FAM151B: variants seen among roughly 807,000 people sequenced by gnomAD.
FAM151B encodes family with sequence similarity 151 member B.
In FAM151B, 24 loss-of-function variants were observed where a neutral mutation model predicts 31.2. The observed-to-expected ratio is 0.77, with a 90% CI of 0.56 to 1.08. The LOEUF is 1.08. Among genes scored for constraint, FAM151B ranks in the 50% least tolerant of loss-of-function variants. The pLI, the probability that FAM151B is intolerant of heterozygous loss-of-function variation, is 0.00. For missense variants in FAM151B, 293 were observed against 328.6 expected, an observed-to-expected ratio of 0.89 and a Z score of 0.84; for synonymous variants, 105 against 111.4, an observed-to-expected ratio of 0.94 and a Z score of 0.36.
intron 2 of FAM151B, among the ~76,000 whole-genome samples, chr5:80,504,514 C>CTTTTTT (rs11340979): frequency 3.7e-4 from 22 of 58,736 alleles, no homozygotes; most frequent in East Asian, 6.0e-4. Context: ...GACTATTACT[C>CTTTTTT]TTTTTTTTTT....
At chr5:80,490,311 G>A (rs1166843596) in intron 1 of FAM151B, among the ~76,000 whole-genome samples, 1 of 152,150 alleles carries the variant, frequency 6.6e-6, no homozygotes, top group Non-Finnish European at 1.5e-5. Context: ...CGGGAGAATC[G>A]CTTAAGCCGG....
intron 5 of FAM151B, among the ~76,000 whole-genome samples, chr5:80,527,867 C>T (rs1386269915): frequency 6.6e-6 from 1 of 152,118 alleles, no homozygotes; most frequent in Non-Finnish European, 1.5e-5. Flanking sequence ...TTAACCTTAG[C>T]TTACTCTAAC....
chr5:80,501,953 TA>T, intron 2 of FAM151B, 36 bp downstream of exon 2: 1 of 1,486,894 alleles, frequency 6.7e-7, no homozygotes, highest in Non-Finnish European at 9.0e-7. Context: ...TTACTTTGGA[TA>T]ATAGATTAAT....
At chr5:80,526,446 TA>T (rs1744975131) in intron 5 of FAM151B, among the ~76,000 whole-genome samples, 1 of 122,984 alleles carries the variant, frequency 8.1e-6, no homozygotes, top group Non-Finnish European at 1.7e-5. Context: ...CCATCTCTAC[TA>T]AAGTCCAAAA....
chr5:80,500,164 T>A lies in FAM151B; in HGVS notation c.26-1628T>A, dbSNP rs191738650. On this transcript the variant is annotated intron_variant, in intron 1 of 5. Coordinates refer to ENST00000282226, the MANE Select transcript of FAM151B (RefSeq NM_205548.3). Reference sequence around the variant, plus strand: ...AAGCCAGACACAGAAAGAAAAATAGTGTATGATCTCACTTATATGTGGAAT... The same window carrying A: ...AAGCCAGACACAGAAAGAAAAATAGAGTATGATCTCACTTATATGTGGAAT... Among the ~76,000 whole-genome samples, 32 of 152,188 alleles carry A rather than the reference T, an allele frequency of 2.1e-4. No homozygotes were observed. In the Middle Eastern group the frequency reaches 0.01, roughly 49 times the overall value.
intron 2 of FAM151B, among the ~76,000 whole-genome samples, chr5:80,509,235 T>G (rs1744096130): frequency 6.6e-6 from 1 of 152,012 alleles, no homozygotes; most frequent in Non-Finnish European, 1.5e-5. Flanking sequence ...TGCCTCTGGC[T>G]CCCAAAGTGC....
intron 2 of FAM151B, among the ~76,000 whole-genome samples, chr5:80,504,779 A>G (rs1339783273): frequency 2.0e-5 from 3 of 152,084 alleles, no homozygotes; most frequent in Admixed American, 2.0e-4. Flanking sequence ...TGGCCTCCCA[A>G]AGTGCTGGGA....
intron 5 of FAM151B, among the ~76,000 whole-genome samples, chr5:80,531,333 A>T (rs1436595225): frequency 6.6e-6 from 1 of 152,242 alleles, no homozygotes; most frequent in Non-Finnish European, 1.5e-5. Context: ...ATGGGCAAGG[A>T]CTTCATGACT....
chr5:80,513,723 A>G lies in FAM151B; in HGVS notation c.271A>G (p.Thr91Ala). The change falls in exon 3 of 6, where the codon ACT becomes GCT. Residue 91 changes from threonine (T) to alanine (A), a missense_variant. Physicochemically the swap from Thr to Ala is moderately conservative, Grantham distance 58 (BLOSUM62 0). Transcript: ENST00000282226. ...NSDNTLQEWL[T>A]EVMKSNKGIK... ...TGATAATACTCTACAGGAGTGGCTG[A>G]CTGAAGTTATGAAAAGCAATAAAGG... The G allele has an allele frequency of 1.9e-6, 3 of 1,613,368 alleles. No homozygotes were observed. The highest frequency in any genetic ancestry group is 2.5e-6 in the Non-Finnish European group (3 of 1,179,820).
intron 4 of FAM151B, among the ~76,000 whole-genome samples, chr5:80,521,424 C>A (rs1424726191): frequency 6.6e-6 from 1 of 151,966 alleles, no homozygotes; most frequent in Non-Finnish European, 1.5e-5. Context: ...CCATGCCTGG[C>A]CCACAATGTC....
chr5:80,514,168 T>C (rs1744313152), intron 3 of FAM151B, among the ~76,000 whole-genome samples: 1 of 152,118 alleles, frequency 6.6e-6, no homozygotes, highest in South Asian at 2.1e-4. Flanking sequence ...AACCAAAGTG[T>C]TTCTTAAAAA....
At chr5:80,501,655 ACTATCTAT>A (rs558714833) in intron 1 of FAM151B, 129 bp from the exon 2 acceptor site, 1 of 578,900 alleles carries the variant, frequency 1.7e-6, no homozygotes, top group South Asian at 3.0e-5. Flanking sequence ...TAACCTTTTT[ACTATCTAT>A]CTATCTATCT....
At chr5:80,490,784 C>T (rs1335967888) in intron 1 of FAM151B, among the ~76,000 whole-genome samples, 1 of 152,190 alleles carries the variant, frequency 6.6e-6, no homozygotes, top group Non-Finnish European at 1.5e-5. Context: ...TTGCATGAAA[C>T]ACCACATTTT....
intron 1 of FAM151B, among the ~76,000 whole-genome samples, chr5:80,492,559 C>T (rs925133977): frequency 1.3e-5 from 2 of 152,150 alleles, no homozygotes; most frequent in Non-Finnish European, 2.9e-5. Context: ...CTTACTATTT[C>T]CTGAGACACA....
At chr5:80,490,019 T>TAAACACACACAC (rs1554055218) in intron 1 of FAM151B, among the ~76,000 whole-genome samples, 33 of 144,596 alleles carry the variant, frequency 2.3e-4, no homozygotes, top group African/African-American at 8.2e-4. Flanking sequence ...TTTTCCCCCT[T>TAAACACACACAC]ACACACACAC....
chr5:80,509,121 G>A (rs1033850215), intron 2 of FAM151B, among the ~76,000 whole-genome samples: 1 of 151,926 alleles, frequency 6.6e-6, no homozygotes, highest in East Asian at 1.9e-4. Context: ...CTACAGGCGT[G>A]TGCCACCAGC....
chr5:80,520,166 T>G (rs1307945111), intron 4 of FAM151B, among the ~76,000 whole-genome samples: 1 of 152,142 alleles, frequency 6.6e-6, no homozygotes, highest in East Asian at 1.9e-4. Flanking sequence ...TAGCAATCTC[T>G]TTTTCTAATT....
chr5:80,527,720 G>A (rs1745037781), intron 5 of FAM151B, among the ~76,000 whole-genome samples: 1 of 152,146 alleles, frequency 6.6e-6, no homozygotes, highest in Admixed American at 6.5e-5. Context: ...GGAGCTTGCA[G>A]GACTGGAAGT....
At chr5:80,537,084 G>A (rs1745549524) in intron 5 of FAM151B, among the ~76,000 whole-genome samples, 1 of 152,136 alleles carries the variant, frequency 6.6e-6, no homozygotes, top group African/African-American at 2.4e-5. Flanking sequence ...CGAGGGGTGG[G>A]AACCCTATTT....
Sources: allele counts gnomAD v4.1 joint callset (sites outside exome capture counted in the v4.1 genomes callset), GRCh38; gene constraint gnomAD v4.1.1; transcripts MANE v1.5; gene names NCBI Gene and HGNC (gene_info 2026-07-23, HGNC 2026-07-21).